FBXO34: variants seen among roughly 807,000 people sequenced by gnomAD.
The protein encoded by FBXO34 is F-box protein 34, also known as F-box only protein 34.
A neutral mutation model predicts 24.5 loss-of-function variants in FBXO34; 12 were observed. The observed-to-expected ratio is 0.49, with a 90% confidence interval of 0.31 to 0.79. FBXO34 has a LOEUF of 0.79. Among genes scored for constraint, FBXO34 ranks in the 30% least tolerant of loss-of-function variants. The pLI is 0.04. For synonymous variants in FBXO34, 320 were observed against 311.9 expected (o/e 1.03, Z -0.27); for missense variants, 823 against 857.7 (o/e 0.96, Z 0.51).
chr14:55,350,844 A>T lies in FBXO34; in HGVS notation c.454A>T (p.Lys152Ter). The T allele has an allele frequency of 6.2e-7, 1 of 1,613,160 alleles. No individual in the cohort carries two copies. The highest frequency in any genetic ancestry group is 8.5e-7 in the Non-Finnish European group (1 of 1,179,774). Residue 152 changes from lysine to a stop codon, truncating the protein, a stop_gained, in exon 2 of 2, where the codon AAA becomes TAA. Coordinates refer to ENST00000313833, the MANE Select transcript of FBXO34 (RefSeq NM_017943.4). LOFTEE classifies it low-confidence loss of function (END_TRUNC). Reference protein sequence around the residue: ...DIDGRATKRRKKSGDLKKAKV... With the variant: ...DIDGRATKRR ...TGATGGGAGAGCTACTAAGAGAAGG[A>T]AAAAATCAGGGGATCTTAAAAAAGC...
At chr14:55,386,718 C>T in the FBXO34 span, among the ~76,000 whole-genome samples, 8 of 152,236 alleles carry the variant, frequency 5.3e-5, no homozygotes, top group South Asian at 1.7e-3. Flanking sequence ...CACACAACCA[C>T]GAGGAGACAT....
chr14:55,293,992 G>C (rs1376157098), intron 1 of FBXO34, among the ~76,000 whole-genome samples: 1 of 152,134 alleles, frequency 6.6e-6, no homozygotes, highest in African/African-American at 2.4e-5. Context: ...TGCATTTGCT[G>C]TTCCCTGTGT....
In FBXO34 at chr14:55,273,091, C is replaced by T. The variant is rs563856360; in HGVS notation, c.-11+1554C>T. On this transcript the variant is annotated intron_variant, in intron 1 of 1. Coordinates refer to ENST00000313833, the MANE Select transcript of FBXO34 (RefSeq NM_017943.4). ...TAGTTCAAAAGGTAGATGGCTTAAA[C>T]TTGAAGCATAGTTAGTCTTTAGCAG... Among the ~76,000 whole-genome samples, 4 of 152,120 alleles carry T rather than the reference C, an allele frequency of 2.6e-5. No individual in the cohort carries two copies. In the South Asian group the frequency reaches 8.3e-4, roughly 32 times the overall value.
the FBXO34 span, chr14:55,378,225 A>G: frequency 4.7e-6 from 3 of 637,782 alleles, no homozygotes; most frequent in African/African-American, 3.7e-5. Flanking sequence ...AGAATACACC[A>G]TTCCCCTCAG....
downstream of FBXO34, among the ~76,000 whole-genome samples, chr14:55,370,362 C>G (rs895735397): frequency 6.6e-6 from 1 of 151,996 alleles, no homozygotes; most frequent in African/African-American, 2.4e-5. Context: ...AAATGGTATA[C>G]AAAGAAAACT....
At chr14:55,313,922 A>G (rs1195341533) in intron 1 of FBXO34, among the ~76,000 whole-genome samples, 1 of 152,174 alleles carries the variant, frequency 6.6e-6, no homozygotes, top group African/African-American at 2.4e-5. Context: ...TGTGTGTGTG[A>G]GACAGGGTCT....
intron 1 of FBXO34, among the ~76,000 whole-genome samples, chr14:55,336,948 T>G (rs1320104189): frequency 6.6e-6 from 1 of 151,122 alleles, no homozygotes; most frequent in East Asian, 1.9e-4. Context: ...TGTGTTTGGT[T>G]GGTAGGTCTC....
intron 1 of FBXO34, among the ~76,000 whole-genome samples, chr14:55,285,779 GA>G (rs1881741254): frequency 6.6e-6 from 1 of 152,142 alleles, no homozygotes; most frequent in Non-Finnish European, 1.5e-5. Context: ...AACACTTGTT[GA>G]ACTGAACACT....
intron 1 of FBXO34, among the ~76,000 whole-genome samples, chr14:55,347,779 C>T (rs1382894672): frequency 6.6e-6 from 1 of 152,168 alleles, no homozygotes; most frequent in African/African-American, 2.4e-5. Context: ...AATAATAGCA[C>T]CTAAAATAAT....
At chr14:55,386,157 G>C in the FBXO34 span, 5 of 1,367,508 alleles carry the variant, frequency 3.7e-6, no homozygotes, top group Non-Finnish European at 5.1e-6. Flanking sequence ...GTACTGCAGA[G>C]CTCCACCCCA....
chr14:55,398,251 T>C, the FBXO34 span, among the ~76,000 whole-genome samples: 1 of 152,122 alleles, frequency 6.6e-6, no homozygotes, highest in Non-Finnish European at 1.5e-5. Context: ...GCGCCCAGCA[T>C]AGTTATTATT....
At position 55,350,526 on chromosome 14, in the gene FBXO34, A is replaced by G. The variant is rs374603726; in HGVS notation, c.136A>G (p.Ser46Gly). 14 of 1,613,956 alleles carry G rather than the reference A, an allele frequency of 8.7e-6. No homozygotes were observed. The highest frequency in any genetic ancestry group is 6.7e-5 in the African/African-American group (5 of 74,992). ...ATGCAAAGCTAGCCACATAACATCA[A>G]GTGTCTTTCCTTCAGCCTCTCTCGG... The part of the protein sequence containing the change: ...ETCKASHITS[S>G]VFPSASLGKA... Residue 46 changes from serine to glycine, a missense_variant, in exon 2 of 2, where the codon AGT becomes GGT. This residue lies in a region of FBXO34 where 693 missense variants were observed against 659.1 expected (regional missense o/e 1.05). Coordinates refer to ENST00000313833, the MANE Select transcript of FBXO34 (RefSeq NM_017943.4).
chr14:55,340,131 C>CG (rs1883941472), intron 1 of FBXO34, among the ~76,000 whole-genome samples: 1 of 152,188 alleles, frequency 6.6e-6, no homozygotes, highest in Admixed American at 6.5e-5. Context: ...CTTGTAGCTA[C>CG]CCTTCCACCT....
intron 1 of FBXO34, among the ~76,000 whole-genome samples, chr14:55,296,687 C>T (rs940582423): frequency 2.6e-5 from 4 of 151,956 alleles, no homozygotes; most frequent in Admixed American, 1.3e-4. Context: ...TGAGCCACTG[C>T]GCCTGGCCGC....
the FBXO34 span, chr14:55,424,168 C>T: frequency 1.2e-6 from 2 of 1,612,118 alleles, no homozygotes; most frequent in Non-Finnish European, 1.7e-6. Context: ...CCTGTCAACA[C>T]AACTTTTCCA....
intron 1 of FBXO34, among the ~76,000 whole-genome samples, chr14:55,322,010 A>T (rs1238945746): frequency 2.6e-5 from 4 of 152,208 alleles, no homozygotes; most frequent in Admixed American, 2.0e-4. Flanking sequence ...GCAAATATCC[A>T]GTTTGCCAGT....
chr14:55,273,468 A>G lies in FBXO34; in HGVS notation c.-11+1931A>G, dbSNP rs532202670. On this transcript the variant is annotated intron_variant, in intron 1 of 1. Coordinates refer to ENST00000313833, the MANE Select transcript of FBXO34 (RefSeq NM_017943.4). ...TTCTGGTTTTTTCTTCCTTCTTTTA[A>G]GAAATGAGGAATTTTATGCTGACAG... Among the ~76,000 whole-genome samples the G allele has an allele frequency of 9.1e-4, 138 of 152,294 alleles. No homozygotes were observed. In the Middle Eastern group the frequency reaches 0.01, roughly 11 times the overall value.
At chr14:55,373,649 G>T (rs547799042), downstream of FBXO34, among the ~76,000 whole-genome samples, 2 of 152,168 alleles carry the variant, frequency 1.3e-5, no homozygotes, top group South Asian at 4.2e-4. Context: ...TAGTAGAGAT[G>T]CAGTTTCCCA....
At chr14:55,299,528 G>A (rs1431573867) in intron 1 of FBXO34, among the ~76,000 whole-genome samples, 2 of 152,002 alleles carry the variant, frequency 1.3e-5, no homozygotes, top group Non-Finnish European at 2.9e-5. Context: ...TGTCATATTG[G>A]CCCTAATTAC....
Sources: allele counts gnomAD v4.1 joint callset (sites outside exome capture counted in the v4.1 genomes callset), GRCh38; gene constraint gnomAD v4.1.1; regional missense constraint gnomAD v4.1.1; transcripts MANE v1.5; gene names NCBI Gene and HGNC (gene_info 2026-07-23, HGNC 2026-07-21).